PBK: variants seen among roughly 807,000 people sequenced by gnomAD.
PBK encodes lymphokine-activated killer T-cell-originated protein kinase.
Under a neutral mutation model 33.5 loss-of-function variants are expected in PBK, and 22 were observed. That is an observed-to-expected ratio of 0.66 (90% confidence interval 0.47 to 0.94). The LOEUF is 0.94. Among genes scored for constraint, PBK ranks in the 40% least tolerant of loss-of-function variants. The pLI is 0.00. For synonymous variants in PBK, 129 were observed against 123.8 expected (o/e 1.04, Z -0.28); for missense variants, 376 against 383.4 (o/e 0.98, Z 0.16).
rs757247055 is a variant in PBK at position 27,810,513 on chromosome 8, T to C, written c.773-12A>G. The C allele has an allele frequency of 5.9e-6, 9 of 1,536,374 alleles. No homozygotes were observed. The highest frequency in any genetic ancestry group is 3.6e-4 in the Middle Eastern group (2 of 5,598). On this transcript the variant is annotated splice_polypyrimidine_tract_variant and intron_variant, in intron 7 of 7. Transcript: ENST00000301905. The stretch of plus-strand genomic sequence containing the variant: ...ATCAAAAGTTTTATCTTGAAGGAGT[T>C]AGAGATTGAAACAATAAACAAAATC...
intron 5 of PBK, among the ~76,000 whole-genome samples, chr8:27,821,479 C>T (rs1487420699): frequency 6.6e-6 from 1 of 152,034 alleles, no homozygotes; most frequent in Non-Finnish European, 1.5e-5. Context: ...CCAGGCTGAT[C>T]TCAAATTCCT....
chr8:27,819,716 A>T (rs1037179136), intron 6 of PBK, among the ~76,000 whole-genome samples: 4 of 152,122 alleles, frequency 2.6e-5, no homozygotes, highest in Non-Finnish European at 5.9e-5. Context: ...TGTTTGCTCT[A>T]TTAAGCATTG....
chr8:27,810,876 A>T, intron 7 of PBK, 82 bp downstream of exon 7: 1 of 905,544 alleles, frequency 1.1e-6, no homozygotes, highest in Non-Finnish European at 1.7e-6. Context: ...CAGTACTAAT[A>T]CATATCTTAG....
intron 2 of PBK, among the ~76,000 whole-genome samples, chr8:27,829,512 G>A (rs760705348): frequency 1.1e-4 from 16 of 152,138 alleles, no homozygotes; most frequent in Non-Finnish European, 1.6e-4. Flanking sequence ...AATATCTACT[G>A]CCCAATCAAA....
At chr8:27,817,467 T>A (rs1243953889) in intron 6 of PBK, among the ~76,000 whole-genome samples, 1 of 152,120 alleles carries the variant, frequency 6.6e-6, no homozygotes, top group Non-Finnish European at 1.5e-5. Flanking sequence ...CCCTTGCAGA[T>A]TTAATGTGTT....
intron 3 of PBK, 96 bp from the exon 4 acceptor site, chr8:27,823,301 A>G: frequency 1.4e-6 from 1 of 732,022 alleles, no homozygotes. Context: ...CTTGAAAGAA[A>G]TTTGCTTTTA....
rs780798390 is a variant in PBK at position 27,820,702 on chromosome 8, A to AG, written c.466-9dup. The AG allele has an allele frequency of 1.3e-6, 2 of 1,500,734 alleles. No homozygotes were observed. The highest frequency in any genetic ancestry group is 2.5e-5 in the South Asian group (2 of 80,878). The allele number at this position is 1,500,734 out of a possible 1,614,324, so 93.0% of individuals were successfully genotyped here. A position where few individuals can be genotyped will look rare whatever the true frequency, so the allele number is the denominator to read the frequency against. ...CTTTTCTTGGTGCAGATACTAAAAT[A>AG]GTAAAAAATTTAACACATATGTGCA... On this transcript the variant is annotated splice_polypyrimidine_tract_variant and intron_variant, in intron 5 of 7. Coordinates refer to ENST00000301905, the MANE Select transcript of PBK (RefSeq NM_018492.4).
At chr8:27,821,853 G>A (rs1805935580) in intron 5 of PBK, among the ~76,000 whole-genome samples, 1 of 152,090 alleles carries the variant, frequency 6.6e-6, no homozygotes, top group Non-Finnish European at 1.5e-5. Flanking sequence ...CAACATATAC[G>A]ACGGTGGTCC....
chr8:27,832,911 T>A, intron 2 of PBK, 145 bp downstream of exon 2: 4 of 570,752 alleles, frequency 7.0e-6, no homozygotes, highest in Non-Finnish European at 1.2e-5. Context: ...AAAATAAGTC[T>A]TATTTGTTAA....
At chr8:27,829,757 C>T (rs1806092560) in intron 2 of PBK, among the ~76,000 whole-genome samples, 1 of 151,810 alleles carries the variant, frequency 6.6e-6, no homozygotes, top group Non-Finnish European at 1.5e-5. Context: ...ATCCCAGCTA[C>T]TCGGGAGGCT....
At position 27,826,568 on chromosome 8, in the gene PBK, G is replaced by A. The variant is rs938449712; in HGVS notation, c.152+1537C>T. Among the ~76,000 whole-genome samples the A allele has an allele frequency of 1.5e-4, 16 of 108,940 alleles. 4 individuals carry two copies. The East Asian group carries it at 5.3e-3, about 36-fold the overall frequency. 71.5% of individuals were successfully genotyped at this position (108,940 alleles called of 152,430 possible). A position where few individuals can be genotyped will look rare whatever the true frequency, so the allele number is the denominator to read the frequency against. On this transcript the variant is annotated intron_variant, in intron 3 of 7. Transcript: ENST00000301905. ...GCCCAGCACTTTGGGAGGCCGAGGCGGGCGGATCACGAGGTCAGGAGATCG... is the reference window on the plus strand; with the variant it reads ...GCCCAGCACTTTGGGAGGCCGAGGCAGGCGGATCACGAGGTCAGGAGATCG...
chr8:27,817,701 A>G (rs1191477558), intron 6 of PBK, among the ~76,000 whole-genome samples: 1 of 152,112 alleles, frequency 6.6e-6, no homozygotes, highest in Non-Finnish European at 1.5e-5. Flanking sequence ...GAATGAAACT[A>G]TAGGGTCAAA....
chr8:27,829,659 A>G (rs767226080), intron 2 of PBK, among the ~76,000 whole-genome samples: 1 of 150,884 alleles, frequency 6.6e-6, no homozygotes, highest in Non-Finnish European at 1.5e-5. Context: ...CTAGGTCAGG[A>G]GTTCGAGACC....
intron 2 of PBK, among the ~76,000 whole-genome samples, chr8:27,831,432 TG>T (rs1806127173): frequency 6.6e-6 from 1 of 151,522 alleles, no homozygotes; most frequent in South Asian, 2.1e-4. Flanking sequence ...AAGCAACAAC[TG>T]ATAGAAATTG....
rs1173875672 is a variant in PBK, at chr8:27,817,177, A to AAT, written c.595+3386_595+3387dup. On this transcript the variant is annotated intron_variant, in intron 6 of 7. Coordinates refer to ENST00000301905, the MANE Select transcript of PBK (RefSeq NM_018492.4). The stretch of plus-strand genomic sequence containing the variant: ...CCAACACATTTCCCACACGCTTAAA[A>AAT]ATATATATATATTTTTAGTGAGAAA... 2.6e-5 allele frequency among the ~76,000 whole-genome samples: 4 copies of AAT among 152,156 alleles called. 1 individual carries two copies. The highest frequency in any genetic ancestry group is 3.4e-3 in the Middle Eastern group (1 of 294).
intron 6 of PBK, among the ~76,000 whole-genome samples, chr8:27,815,548 C>A (rs1433030542): frequency 6.6e-5 from 10 of 152,146 alleles, no homozygotes; most frequent in Admixed American, 5.9e-4. Context: ...ATAGACATGG[C>A]CCACATGGGC....
intron 7 of PBK, among the ~76,000 whole-genome samples, 155 bp downstream of exon 7, chr8:27,810,803 C>T (rs1805662482): frequency 1.3e-5 from 2 of 152,120 alleles, no homozygotes; most frequent in African/African-American, 4.8e-5. Flanking sequence ...CAATTTTTCT[C>T]CCTATTCTCA....
rs1456566327 is a variant in PBK at position 27,822,446 on chromosome 8, A to T, written c.338T>A (p.Leu113His). 6.2e-7 allele frequency: 1 copy of T among 1,611,700 alleles called. No homozygotes were observed. Among genetic ancestry groups the T allele is most frequent in the East Asian group, 2.2e-5 (1 of 44,828 alleles). ...CTTTTCACCTCCATATTCCATAGCA[A>T]GACACAGACTGCCATCATTGGCTTC... ...FTEANDGSLC[L>H]AMEYGGEKSL... The change falls in exon 5 of 8, where the codon CTT becomes CAT. Residue 113 changes from leucine to histidine, a missense_variant. Transcript: ENST00000301905.
chr8:27,830,638 G>A (rs188106156), intron 2 of PBK, among the ~76,000 whole-genome samples: 107 of 152,282 alleles, frequency 7.0e-4, no homozygotes, highest in Non-Finnish European at 1.4e-3. Context: ...TAATACAACT[G>A]AGGAACTCAA....
Sources: gnomAD v4.1 joint callset for allele counts (sites outside exome capture counted in the v4.1 genomes callset) on GRCh38, gnomAD v4.1.1 for gene constraint, MANE v1.5 for transcripts, NCBI Gene and HGNC (gene_info 2026-07-23, HGNC 2026-07-21) for gene names.